The following NRTN variants were observed in gnomAD, a reference collection of about 807,000 sequenced individuals.
NRTN encodes neurturin, also known as prepro-neurturin.
NRTN carries 3 observed loss-of-function variants against 7.5 expected under a neutral mutation model. The observed-to-expected ratio is 0.40, with a 90% CI of 0.18 to 1.03. The LOEUF (loss-of-function observed/expected upper bound fraction) is 1.03. NRTN is among the 50% of genes least tolerant of loss of function. The pLI, the probability that NRTN is intolerant of heterozygous loss-of-function variation, is 0.34. For synonymous variants in NRTN, 157 were observed against 146.6 expected (o/e 1.07, Z -0.51); for missense variants, 310 against 307.0 (o/e 1.01, Z -0.07).
In NRTN at chr19:5,824,323, G is replaced by A. The variant is rs141731534; in HGVS notation, c.158G>A (p.Arg53His). Residue 53 changes from arginine to histidine, a missense_variant, in exon 2 of 3, where the codon CGC becomes CAC. Arg to His is a conservative substitution (Grantham distance 29, BLOSUM62 0). Transcript: ENST00000303212. ...LPRTLDARIA[R>H]LAQYRALLQG... is the part of the protein sequence containing the mutation. ...CGAACCCTGGACGCCCGGATTGCCCGCCTGGCCCAGTGTAAGCTCCTCCTC... is the reference window on the plus strand; with the variant it reads ...CGAACCCTGGACGCCCGGATTGCCCACCTGGCCCAGTGTAAGCTCCTCCTC... 4.4e-6 allele frequency: 7 copies of A among 1,602,108 alleles called. No individual in the cohort carries two copies. The highest frequency in any genetic ancestry group is 2.2e-5 in the South Asian group (2 of 89,464).
intron 1 of NRTN, among the ~76,000 whole-genome samples, chr19:5,814,931 A>G (rs554742919): frequency 6.6e-6 from 1 of 152,318 alleles, no homozygotes; most frequent in Non-Finnish European, 1.5e-5. Flanking sequence ...CGTTTTCTCC[A>G]GGACTGGGAA....
chr19:5,816,896 A>G lies in NRTN; in HGVS notation c.-398-6872A>G, dbSNP rs115846840. Among the ~76,000 whole-genome samples, 1,104 of 152,360 alleles carry G rather than the reference A, an allele frequency of 7.2e-3. 11 individuals carry two copies. The highest frequency in any genetic ancestry group is 0.025 in the African/African-American group (1,059 of 41,582). ...TTGAGTGTGACTGTGAAAACGCCCTAGCATGTGAGCACGACGTATTCAAAT... is the reference window on the plus strand; with the variant it reads ...TTGAGTGTGACTGTGAAAACGCCCTGGCATGTGAGCACGACGTATTCAAAT... On this transcript the variant is annotated intron_variant, in intron 1 of 2. Transcript: ENST00000303212.
At position 5,827,911 on chromosome 19, in the gene NRTN, G is replaced by C. The variant is rs865970798; in HGVS notation, c.332G>C (p.Arg111Pro). 1 of 1,449,466 alleles carries C rather than the reference G, an allele frequency of 6.9e-7. No homozygotes were observed. The highest frequency in any genetic ancestry group is 1.4e-5 in the South Asian group (1 of 71,882). 89.8% of individuals were successfully genotyped at this position (1,449,466 alleles called of 1,614,324 possible). A position where few individuals can be genotyped will look rare whatever the true frequency, so the allele number is the denominator to read the frequency against. Residue 111 changes from arginine (R) to proline (P), a missense_variant, in exon 3 of 3, where the codon CGC (arginine) becomes CCC (proline). Arg to Pro is a moderately radical substitution (Grantham distance 103). Coordinates refer to ENST00000303212, the MANE Select transcript of NRTN (RefSeq NM_004558.5). ...RPCGLRELEV[R>P]VSELGLGYAS... is the part of the protein sequence containing the mutation. ...TGCGGGCTGCGCGAGCTGGAGGTGC[G>C]CGTGAGCGAGCTGGGCCTGGGCTAC...
chr19:5,817,444 G>C (rs960025867), intron 1 of NRTN, among the ~76,000 whole-genome samples: 1 of 86,682 alleles, frequency 1.2e-5, no homozygotes, highest in Non-Finnish European at 2.2e-5. Flanking sequence ...AGAAAGGAAG[G>C]AAGGAAGGGA....
At chr19:5,824,411 T>C (rs948431488) in intron 2 of NRTN, 77 bp downstream of exon 2, 3 of 1,073,820 alleles carry the variant, frequency 2.8e-6, no homozygotes, top group Non-Finnish European at 3.4e-6. Flanking sequence ...TGGGAGGTGG[T>C]GGGGGGGTGT....
chr19:5,809,505 A>G (rs12610749), intron 1 of NRTN, among the ~76,000 whole-genome samples: 21,650 of 151,482 alleles, frequency 0.14, 1,709 homozygotes, highest in East Asian at 0.21. Context: ...TGTTGTTTAC[A>G]TGCTCTTGAC....
chr19:5,816,112 G>T (rs1286452224), intron 1 of NRTN, among the ~76,000 whole-genome samples: 1 of 151,680 alleles, frequency 6.6e-6, no homozygotes, highest in Non-Finnish European at 1.5e-5. Flanking sequence ...TGTTATCCAG[G>T]CTGGTCTCGA....
intron 1 of NRTN, among the ~76,000 whole-genome samples, chr19:5,820,944 C>G (rs931080708): frequency 1.3e-5 from 2 of 152,104 alleles, no homozygotes; most frequent in Non-Finnish European, 2.9e-5. Context: ...CTCAGACACA[C>G]GGGCCTCCTC....
rs933407110 is a variant in NRTN at position 5,823,917 on chromosome 19, T to C, written c.-249T>C. On this transcript the variant is annotated 5_prime_UTR_variant, in exon 2 of 3. Transcript: ENST00000303212. ...GTTTATTCAAGTCTGGACCTTGTCATCGGCTCCTCAGGAAGGCACTCCGGG... is the reference window on the plus strand; with the variant it reads ...GTTTATTCAAGTCTGGACCTTGTCACCGGCTCCTCAGGAAGGCACTCCGGG... 3.4e-6 allele frequency: 2 copies of C among 594,962 alleles called. No homozygotes were observed. The highest frequency in any genetic ancestry group is 6.0e-6 in the Non-Finnish European group (2 of 333,240). 36.9% of individuals were successfully genotyped at this position (594,962 alleles called of 1,614,324 possible).
intron 1 of NRTN, among the ~76,000 whole-genome samples, chr19:5,818,835 T>C (rs2057014199): frequency 6.6e-6 from 1 of 150,996 alleles, no homozygotes; most frequent in African/African-American, 2.4e-5. Flanking sequence ...GAGAGGCCCA[T>C]TGTTCATGGC....
chr19:5,822,183 G>A (rs1248441281), intron 1 of NRTN, among the ~76,000 whole-genome samples: 1 of 152,168 alleles, frequency 6.6e-6, no homozygotes, highest in South Asian at 2.1e-4. Flanking sequence ...CAGGACACGA[G>A]GCGCGGTCCA....
rs1332878144 is a variant in NRTN, at chr19:5,820,735, C to CAAAAAAAAA, written c.-398-3031_-398-3030insAAAAAAAAA. Among the ~76,000 whole-genome samples the CAAAAAAAAA allele has an allele frequency of 1.7e-3, 104 of 62,124 alleles. 9 individuals carry two copies. The highest frequency in any genetic ancestry group is 7.7e-3 in the East Asian group (13 of 1,682). The allele number at this position is 62,124 out of a possible 152,430, so 40.8% of individuals were successfully genotyped here. ...TGGGCAACAGAGTGAAACTCTGTCT[C>CAAAAAAAAA]AAGAAAAAAAAAAAAAAAAAAAAAA... On this transcript the variant is annotated intron_variant, in intron 1 of 2. Coordinates refer to ENST00000303212, the MANE Select transcript of NRTN (RefSeq NM_004558.5).
chr19:5,825,498 C>T (rs921702344), intron 2 of NRTN, among the ~76,000 whole-genome samples: 1 of 152,240 alleles, frequency 6.6e-6, no homozygotes, highest in African/African-American at 2.4e-5. Context: ...GCCTCCAGCA[C>T]GAGCTCCACT....
In NRTN at chr19:5,828,264, A is replaced by T; in HGVS notation, c.*91A>T. 2 of 1,389,376 alleles carry T rather than the reference A, an allele frequency of 1.4e-6. No individual in the cohort carries two copies. The highest frequency in any genetic ancestry group is 1.3e-5 in the South Asian group (1 of 74,308). 86.1% of individuals were successfully genotyped at this position (1,389,376 alleles called of 1,614,324 possible). A position where few individuals can be genotyped will look rare whatever the true frequency, so the allele number is the denominator to read the frequency against. On this transcript the variant is annotated 3_prime_UTR_variant, in exon 3 of 3. Coordinates refer to ENST00000303212, the MANE Select transcript of NRTN (RefSeq NM_004558.5). ...GCGAAAGACTGCGCGTGCGTAGAGC[A>T]CGCCGGCGCGGCCCCGGGACTCTCG...
Position 5,806,222 on chromosome 19 carries a change from G to GGGGA in NRTN, c.-399+775_-399+778dup, listed in dbSNP as rs2056974839. The stretch of plus-strand genomic sequence containing the variant: ...CCAAGGGGGCTGCAGACAGATTAGT[G>GGGGA]GGGAGGGGGGTGTGCTGGAGAGAGA... On this transcript the variant is annotated intron_variant, in intron 1 of 2. Transcript: ENST00000303212. The surrounding 1 kb of genome is among the most constrained non-coding windows in gnomAD (Gnocchi z 5.4). Among the ~76,000 whole-genome samples, 4 of 152,252 alleles carry GGGGA rather than the reference G, an allele frequency of 2.6e-5. No individual in the cohort carries two copies. In the East Asian group the frequency reaches 7.7e-4, roughly 29 times the overall value.
chr19:5,815,274 T>C (rs1001065452), intron 1 of NRTN, among the ~76,000 whole-genome samples: 1 of 152,126 alleles, frequency 6.6e-6, no homozygotes, highest in Non-Finnish European at 1.5e-5. Context: ...GGAAAACCTG[T>C]GTGTGTAAGT....
chr19:5,810,320 C>T (rs1019807184), intron 1 of NRTN, among the ~76,000 whole-genome samples: 1 of 151,082 alleles, frequency 6.6e-6, no homozygotes, highest in East Asian at 2.0e-4. Flanking sequence ...GCTATGTTGG[C>T]CAGGCTGGTG....
intron 1 of NRTN, among the ~76,000 whole-genome samples, chr19:5,814,334 G>A (rs528334579): frequency 2.6e-5 from 4 of 152,306 alleles, no homozygotes; most frequent in African/African-American, 7.2e-5. Context: ...TCTGGTGGAG[G>A]GGCTGTAGGA....
chr19:5,825,335 TGC>T (rs2057042108), intron 2 of NRTN, among the ~76,000 whole-genome samples: 1 of 152,148 alleles, frequency 6.6e-6, no homozygotes, highest in South Asian at 2.1e-4. Context: ...TGTCCATGCG[TGC>T]GCCTGCGCGG....
Sources: gnomAD v4.1 joint callset for allele counts (sites outside exome capture counted in the v4.1 genomes callset) on GRCh38, gnomAD v4.1.1 for gene constraint, Gnocchi (gnomAD v3.1) non-coding constraint, MANE v1.5 for transcripts, NCBI Gene and HGNC (gene_info 2026-07-23, HGNC 2026-07-21) for gene names.